Variants in CLTC observed in about 807,000 individuals in gnomAD.
CLTC encodes clathrin heavy chain 1.
Under a neutral mutation model 195.8 loss-of-function variants are expected in CLTC, and 16 were observed. The ratio of observed to expected loss-of-function variants is 0.08; its 90% confidence interval spans 0.06 to 0.12. The LOEUF is 0.12. CLTC is among the 10% of genes least tolerant of loss of function. The pLI, the probability that CLTC is intolerant of heterozygous loss-of-function variation, is 1.00. For synonymous variants in CLTC, 667 were observed against 689.4 expected (o/e 0.97, Z 0.51); for missense variants, 796 against 2,027.0 (o/e 0.39, Z 11.66).
rs1405316965 is a variant in CLTC, at chr17:59,696,179, G to GCAT, written c.*2330_*2332dup. 1 of 219,838 alleles carries GCAT rather than the reference G, an allele frequency of 4.5e-6. No individual in the cohort carries two copies. The highest frequency in any genetic ancestry group is 9.1e-6 in the Non-Finnish European group (1 of 109,610). The allele number at this position is 219,838 out of a possible 1,614,324, so 13.6% of individuals were successfully genotyped here. On this transcript the variant is annotated 3_prime_UTR_variant, in exon 32 of 32. Transcript: ENST00000269122. ...CTCAGTCTTAACGTTGCATTTTGTTGCATCACTTTTGCAGCCAGTAAACAT... is the reference window on the plus strand; with the variant it reads ...CTCAGTCTTAACGTTGCATTTTGTTGCATCATCACTTTTGCAGCCAGTAAACAT...
At chr17:59,631,209 G>A (rs779001250) in intron 1 of CLTC, among the ~76,000 whole-genome samples, 7 of 152,090 alleles carry the variant, frequency 4.6e-5, no homozygotes, top group Non-Finnish European at 8.8e-5. Context: ...GATTGTTTCC[G>A]TTTCTTCTGA....
chr17:59,628,436 A>G (rs904813822), intron 1 of CLTC, among the ~76,000 whole-genome samples: 3 of 152,202 alleles, frequency 2.0e-5, no homozygotes, highest in African/African-American at 7.2e-5. Flanking sequence ...TCCACCCTGG[A>G]AGAGTTTCCC....
In CLTC at chr17:59,666,941, C is replaced by T. The variant is rs1290154187; in HGVS notation, c.2092C>T (p.Leu698=). Residue 698 remains leucine, a synonymous_variant, in exon 13 of 32, where the codon CTG becomes TTG. Transcript: ENST00000269122. The surrounding 1 kb of genome is among the most constrained non-coding windows in gnomAD (Gnocchi z 4.9). ...TCATGAACAACTGTCAACTCAGTCT[C>T]TGATTGAACTTTTTGAATCTTTCAA... The part of the protein sequence containing the change: ...KYHEQLSTQS[L]IELFESFKSF... 1 of 1,612,786 alleles carries T rather than the reference C, an allele frequency of 6.2e-7. No individual in the cohort carries two copies. The highest frequency in any genetic ancestry group is 1.1e-5 in the South Asian group (1 of 90,698).
At chr17:59,641,736 A>G (rs1473505626) in intron 1 of CLTC, among the ~76,000 whole-genome samples, 2 of 152,156 alleles carry the variant, frequency 1.3e-5, no homozygotes, top group East Asian at 3.9e-4. Context: ...GAGATCAAAG[A>G]TATATATGCA....
At chr17:59,659,112 C>G (rs1286870294) in intron 6 of CLTC, among the ~76,000 whole-genome samples, 1 of 152,124 alleles carries the variant, frequency 6.6e-6, no homozygotes, top group Non-Finnish European at 1.5e-5. Context: ...TTGCATATTG[C>G]TAGTAATACA....
At chr17:59,690,577 A>G in intron 30 of CLTC, 59 bp from the exon 31 acceptor site, 6 of 1,259,102 alleles carry the variant, frequency 4.8e-6, no homozygotes, top group Middle Eastern at 3.8e-4. Flanking sequence ...ACTTTCTGCC[A>G]TAAACCTAGG....
rs941861509 is a variant in CLTC at position 59,693,858 on chromosome 17, A to G, written c.*6A>G. The G allele has an allele frequency of 3.1e-6, 5 of 1,608,218 alleles. No individual in the cohort carries two copies. The highest frequency in any genetic ancestry group is 4.2e-6 in the Non-Finnish European group (5 of 1,177,264). On this transcript the variant is annotated 3_prime_UTR_variant, in exon 32 of 32. Coordinates refer to ENST00000269122, the MANE Select transcript of CLTC (RefSeq NM_004859.4). Reference sequence around the variant, plus strand: ...GCTTTGGGTACAGCATGTGAGATGAAGCGCTGATCCTGTAGTCACCTATTT... The same window carrying G: ...GCTTTGGGTACAGCATGTGAGATGAGGCGCTGATCCTGTAGTCACCTATTT...
intron 16 of CLTC, among the ~76,000 whole-genome samples, chr17:59,676,576 GAA>G (rs1435037484): frequency 2.0e-5 from 3 of 152,178 alleles, no homozygotes; most frequent in African/African-American, 7.2e-5. Flanking sequence ...CTGGGAGAGT[GAA>G]AAATAGCCTT....
chr17:59,656,666 A>ATTTTTTTTTTTTTTTT (rs55669818), intron 6 of CLTC, among the ~76,000 whole-genome samples: 5 of 96,220 alleles, frequency 5.2e-5, no homozygotes, highest in Non-Finnish European at 1.1e-4. Flanking sequence ...TATTATTTTA[A>ATTTTTTTTTTTTTTTT]TTTTTTTTTT....
chr17:59,633,535 A>G (rs1014037846), intron 1 of CLTC, among the ~76,000 whole-genome samples: 32 of 152,192 alleles, frequency 2.1e-4, no homozygotes, highest in African/African-American at 7.2e-4. Flanking sequence ...ATTGTAAAAT[A>G]AAATGGTTCT....
chr17:59,679,408 G>T lies in CLTC; in HGVS notation c.2808G>T (p.Glu936Asp). ...CATATCTTCTTTAGGTTTGCAATGA[G>T]AATTCCCTCTTCAAAAGTCTTTCTC... is the stretch of plus-strand genomic sequence containing the variant. ...CDLELINVCN[E>D]NSLFKSLSRY... Residue 936 changes from glutamate (E) to aspartate (D), a missense_variant, in exon 18 of 32, where the codon GAG becomes GAT. By Grantham distance (45) the Glu-to-Asp change is conservative (BLOSUM62 2). Around this residue, in one of 9 missense-constraint regions of CLTC, gnomAD observed 160 missense variants for 448.2 expected, o/e 0.36. Transcript: ENST00000269122. 1 of 1,603,686 alleles carries T rather than the reference G, an allele frequency of 6.2e-7. No homozygotes were observed. The highest frequency in any genetic ancestry group is 8.5e-7 in the Non-Finnish European group (1 of 1,174,520).
At chr17:59,688,574 C>T (rs578176944) in intron 30 of CLTC, among the ~76,000 whole-genome samples, 2 of 152,248 alleles carry the variant, frequency 1.3e-5, no homozygotes, top group South Asian at 4.1e-4. Flanking sequence ...AGTCCCTGTG[C>T]CAGAGGCTGT....
In CLTC at chr17:59,661,509, T is replaced by A. The variant is rs756180941; in HGVS notation, c.1234T>A (p.Ser412Thr). 1 of 1,614,060 alleles carries A rather than the reference T, an allele frequency of 6.2e-7. No homozygotes were observed. Among genetic ancestry groups the A allele is most frequent in the African/African-American group, 1.3e-5 (1 of 75,026 alleles). Reference protein sequence around the residue: ...QSVPAQPGQTSPLLQYFGILL... With the variant: ...QSVPAQPGQTTPLLQYFGILL... ...TGTCCCAGCCCAGCCAGGTCAAACT[T>A]CTCCTCTACTTCAGTACTTTGGTAT... The change falls in exon 8 of 32, where the codon TCT becomes ACT. Residue 412 changes from serine to threonine, a missense_variant. Physicochemically the swap from Ser to Thr is moderately conservative, Grantham distance 58. Coordinates refer to ENST00000269122, the MANE Select transcript of CLTC (RefSeq NM_004859.4).
At chr17:59,670,807 T>C (rs951545104) in intron 14 of CLTC, among the ~76,000 whole-genome samples, 3 of 152,172 alleles carry the variant, frequency 2.0e-5, no homozygotes, top group Admixed American at 1.3e-4. Context: ...GCATAGCCCA[T>C]GGGATCTAAT....
At chr17:59,667,006 A>G in intron 13 of CLTC, 29 bp downstream of exon 13, 5 of 1,574,666 alleles carry the variant, frequency 3.2e-6, no homozygotes, top group Non-Finnish European at 4.3e-6. Context: ...GTTTTTAAAA[A>G]AAGTACTTAA....
chr17:59,653,583 C>T (rs1359570905), intron 5 of CLTC, among the ~76,000 whole-genome samples: 1 of 149,810 alleles, frequency 6.7e-6, no homozygotes, highest in Non-Finnish European at 1.5e-5. Context: ...ATAGGTTCTC[C>T]CTCTGTTGCC....
chr17:59,630,320 T>A (rs2031675610), intron 1 of CLTC, among the ~76,000 whole-genome samples: 1 of 152,052 alleles, frequency 6.6e-6, no homozygotes, highest in South Asian at 2.1e-4. Flanking sequence ...TAATTTTAAA[T>A]GTCTGTAAAG....
intron 6 of CLTC, among the ~76,000 whole-genome samples, chr17:59,657,461 CT>C (rs1298516301): frequency 6.6e-6 from 1 of 152,038 alleles, no homozygotes; most frequent in Non-Finnish European, 1.5e-5. Context: ...TTATGAGTGT[CT>C]TGCTTAGAAA....
chr17:59,639,734 G>A lies in CLTC; in HGVS notation c.43-4542G>A, dbSNP rs200208199. Among the ~76,000 whole-genome samples the A allele has an allele frequency of 3.3e-5, 5 of 151,754 alleles. No individual in the cohort carries two copies. The East Asian group carries it at 9.7e-4, about 29-fold the overall frequency. ...CCTGTAATCCCAACACTGGGAGGTCGAGCTGGGAGGATTACTTGAGCCCAG... is the reference window on the plus strand; with the variant it reads ...CCTGTAATCCCAACACTGGGAGGTCAAGCTGGGAGGATTACTTGAGCCCAG... On this transcript the variant is annotated intron_variant, in intron 1 of 31. Transcript: ENST00000269122.
Sources: allele counts gnomAD v4.1 joint callset (sites outside exome capture counted in the v4.1 genomes callset), GRCh38; gene constraint gnomAD v4.1.1; regional missense constraint gnomAD v4.1.1; non-coding constraint Gnocchi (gnomAD v3.1); transcripts MANE v1.5; gene names NCBI Gene and HGNC (gene_info 2026-07-23, HGNC 2026-07-21).